The following CLYBL variants were observed in gnomAD, a reference collection of about 807,000 sequenced individuals.
CLYBL encodes citramalyl-CoA lyase, mitochondrial.
A neutral mutation model predicts 38.9 loss-of-function variants in CLYBL; 31 were observed. That is an observed-to-expected ratio of 0.80 (90% confidence interval 0.60 to 1.08). The LOEUF (loss-of-function observed/expected upper bound fraction) is 1.08. CLYBL is among the 50% of genes least tolerant of loss of function. The pLI, the probability that CLYBL is intolerant of heterozygous loss-of-function variation, is 0.00. For missense variants in CLYBL, 434 were observed against 411.6 expected (o/e 1.05, Z -0.47); for synonymous variants, 171 against 158.6 (o/e 1.08, Z -0.59).
At chr13:99,618,357 C>T (rs542411138) in intron 1 of CLYBL, among the ~76,000 whole-genome samples, 1 of 152,064 alleles carries the variant, frequency 6.6e-6, no homozygotes, top group East Asian at 1.9e-4. Context: ...GCAACCTCTG[C>T]CTCCTGGGTT....
At chr13:99,807,785 A>G (rs1215402057) in intron 2 of CLYBL, among the ~76,000 whole-genome samples, 2 of 152,194 alleles carry the variant, frequency 1.3e-5, no homozygotes, top group Non-Finnish European at 2.9e-5. Flanking sequence ...AAAACAGTAA[A>G]TTTTATGTTA....
In CLYBL at chr13:99,606,701, G is replaced by A; in HGVS notation, c.6G>A (p.Ala2=). 1 of 1,492,684 alleles carries A rather than the reference G, an allele frequency of 6.7e-7. No homozygotes were observed. The highest frequency in any genetic ancestry group is 8.9e-7 in the Non-Finnish European group (1 of 1,127,452). The allele number at this position is 1,492,684 out of a possible 1,614,324, so 92.5% of individuals were successfully genotyped here. ...GGGGCGCGCGCGTCGGGAAGATGGC[G>A]CTACGTCTGCTGCGGAGGGCGGCGC... is the stretch of plus-strand genomic sequence containing the variant. M[A]LRLLRRAARG... Residue 2 remains alanine (A), a synonymous_variant, in exon 1 of 9, where the codon GCG becomes GCA. Transcript: ENST00000339105.
chr13:99,630,431 A>G (rs879843101), intron 1 of CLYBL, among the ~76,000 whole-genome samples: 9 of 152,170 alleles, frequency 5.9e-5, no homozygotes, highest in African/African-American at 1.7e-4. Flanking sequence ...AAACATGACT[A>G]TTTATAACAC....
intron 1 of CLYBL, among the ~76,000 whole-genome samples, chr13:99,757,778 G>A (rs752583636): frequency 1.7e-4 from 26 of 152,144 alleles, no homozygotes; most frequent in Non-Finnish European, 2.6e-4. Context: ...ACTTTTAAAC[G>A]TTCCATAGCC....
rs557791698 is a variant in CLYBL at position 99,621,829 on chromosome 13, C to A, written c.62+15072C>A. On this transcript the variant is annotated intron_variant, in intron 1 of 8. Transcript: ENST00000339105. ...TGTGTGGTCCAAGACAATTCTTCTTCCAGTGTGGGGCCAGGGAAGCCAAAA... is the reference window on the plus strand; with the variant it reads ...TGTGTGGTCCAAGACAATTCTTCTTACAGTGTGGGGCCAGGGAAGCCAAAA... Among the ~76,000 whole-genome samples, 4 of 152,110 alleles carry A rather than the reference C, an allele frequency of 2.6e-5. No homozygotes were observed. In the East Asian group the frequency reaches 7.7e-4, roughly 29 times the overall value.
intron 1 of CLYBL, among the ~76,000 whole-genome samples, chr13:99,639,781 C>G (rs1193805573): frequency 6.6e-6 from 1 of 152,128 alleles, no homozygotes; most frequent in Non-Finnish European, 1.5e-5. Context: ...TCTGTAGTCC[C>G]AGCTACTGAG....
At chr13:99,685,644 G>C (rs1167867858) in intron 1 of CLYBL, among the ~76,000 whole-genome samples, 1 of 152,106 alleles carries the variant, frequency 6.6e-6, no homozygotes, top group Non-Finnish European at 1.5e-5. Context: ...TGGCCTTAAG[G>C]TTTGCTGAGT....
In CLYBL at chr13:99,628,897, G is replaced by A. The variant is rs80079804; in HGVS notation, c.62+22140G>A. On this transcript the variant is annotated intron_variant, in intron 1 of 8. Transcript: ENST00000339105. ...TGGGAGTGGGGAGAGAAAGGGAGGG[G>A]CCCTTGCTACAAGTGTAAGAATAAA... 4.5e-3 allele frequency among the ~76,000 whole-genome samples: 679 copies of A among 152,302 alleles called. 4 individuals carry two copies. Among genetic ancestry groups the A allele is most frequent in the African/African-American group, 0.015 (642 of 41,562 alleles).
intron 1 of CLYBL, among the ~76,000 whole-genome samples, chr13:99,768,428 C>T (rs1435209707): frequency 3.4e-5 from 5 of 148,386 alleles, no homozygotes; most frequent in Non-Finnish European, 4.4e-5. Context: ...CTCCTGATCT[C>T]GTGATCTGCC....
chr13:99,616,869 T>C (rs1408230727), intron 1 of CLYBL, among the ~76,000 whole-genome samples: 3 of 152,016 alleles, frequency 2.0e-5, no homozygotes, highest in Non-Finnish European at 4.4e-5. Context: ...GGCAGGAGAA[T>C]TGCTTGAACC....
At chr13:99,825,588 G>C (rs1050432050) in intron 2 of CLYBL, among the ~76,000 whole-genome samples, 1 of 152,156 alleles carries the variant, frequency 6.6e-6, no homozygotes. Flanking sequence ...TAGTGGGGAA[G>C]GGGGCCTGCT....
At chr13:99,807,480 T>C (rs748355399) in intron 2 of CLYBL, among the ~76,000 whole-genome samples, 5 of 152,144 alleles carry the variant, frequency 3.3e-5, no homozygotes, top group Non-Finnish European at 7.4e-5. Flanking sequence ...TGCGGTGTCT[T>C]TGTTTTTAAA....
intron 7 of CLYBL, among the ~76,000 whole-genome samples, chr13:99,877,947 TC>T (rs1566364625): frequency 6.6e-6 from 1 of 152,028 alleles, no homozygotes; most frequent in African/African-American, 2.4e-5. Flanking sequence ...GTCTTTTTTT[TC>T]CCCCACTTTA....
intron 1 of CLYBL, among the ~76,000 whole-genome samples, chr13:99,703,702 C>T (rs2139467019): frequency 6.6e-6 from 1 of 152,270 alleles, no homozygotes; most frequent in Non-Finnish European, 1.5e-5. Context: ...GTCCTTTACA[C>T]AGGAGATGTA....
intron 1 of CLYBL, among the ~76,000 whole-genome samples, chr13:99,640,571 G>A (rs11838894): frequency 2.6e-5 from 4 of 152,140 alleles, no homozygotes; most frequent in Admixed American, 1.3e-4. Context: ...CCTTTTCAGC[G>A]TTGGTTAAGC....
chr13:99,850,246 C>G (rs965951545), intron 2 of CLYBL, among the ~76,000 whole-genome samples: 4 of 152,148 alleles, frequency 2.6e-5, no homozygotes, highest in African/African-American at 9.7e-5. Context: ...AGTCATCTAT[C>G]TGGTAAGGAT....
chr13:99,898,871 A>G (rs1027311901), downstream of CLYBL, among the ~76,000 whole-genome samples: 1 of 152,164 alleles, frequency 6.6e-6, no homozygotes. Context: ...TCCCCAAAAA[A>G]TAGTGTGGAT....
At chr13:99,662,015 A>G (rs2047415740) in intron 1 of CLYBL, among the ~76,000 whole-genome samples, 1 of 152,314 alleles carries the variant, frequency 6.6e-6, no homozygotes, top group East Asian at 1.9e-4. Flanking sequence ...AGCTGAAGGG[A>G]GGAGCTAATG....
intron 1 of CLYBL, among the ~76,000 whole-genome samples, chr13:99,757,418 C>T (rs987669802): frequency 9.2e-5 from 14 of 152,074 alleles, no homozygotes; most frequent in Non-Finnish European, 5.9e-5. Context: ...AGCTCAGCTG[C>T]GCATTAGAAT....
Sources: gnomAD v4.1 joint callset for allele counts (sites outside exome capture counted in the v4.1 genomes callset) on GRCh38, gnomAD v4.1.1 for gene constraint, MANE v1.5 for transcripts, NCBI Gene and HGNC (gene_info 2026-07-23, HGNC 2026-07-21) for gene names.